RGS8: variants seen among roughly 807,000 people sequenced by gnomAD.
RGS8 encodes the protein regulator of G protein signaling 8.
In RGS8, 8 loss-of-function variants were observed where a neutral mutation model predicts 21.7. The observed-to-expected ratio is 0.37, with a 90% CI of 0.22 to 0.66. The LOEUF is 0.66. Ranked by LOEUF, RGS8 falls within the 30% of genes least tolerant of loss-of-function variation. The probability of loss-of-function intolerance (pLI) is 0.59; values close to 1 mark genes in which losing one functional copy is unlikely to be tolerated. For synonymous variants in RGS8, 80 were observed against 83.6 expected (o/e 0.96, Z 0.24); for missense variants, 157 against 217.9 (o/e 0.72, Z 1.76).
At chr1:182,731,959 A>C in the RGS8 span, among the ~76,000 whole-genome samples, 1 of 152,174 alleles carries the variant, frequency 6.6e-6, no homozygotes, top group Non-Finnish European at 1.5e-5. Flanking sequence ...AGTGGGAGAG[A>C]CTGAGGCTGG....
chr1:182,740,873 AAGGTC>A, the RGS8 span, among the ~76,000 whole-genome samples: 1 of 152,152 alleles, frequency 6.6e-6, no homozygotes, highest in African/African-American at 2.4e-5. Flanking sequence ...GGTTGGGGGT[AAGGTC>A]ACCTATCAAC....
chr1:182,649,595 T>C (rs1662897627), intron 5 of RGS8, among the ~76,000 whole-genome samples: 1 of 152,222 alleles, frequency 6.6e-6, no homozygotes, highest in Non-Finnish European at 1.5e-5. Context: ...GTCATACATA[T>C]TGTCAAGCAG....
chr1:182,659,231 AT>A (rs1482038974), intron 5 of RGS8, among the ~76,000 whole-genome samples: 2 of 152,166 alleles, frequency 1.3e-5, no homozygotes, highest in Non-Finnish European at 2.9e-5. Context: ...GTTCTTTCCT[AT>A]TTTATCAAGG....
In RGS8 at chr1:182,648,130, A is replaced by C; in HGVS notation, c.360+7T>G. On this transcript the variant is annotated splice_region_variant and intron_variant, in intron 6 of 6. Transcript: ENST00000483095. ...GATAGACAGGATGGTCGCCGCTGCC[A>C]ACACACCTCCCGTGGAGCCTGCACA... 3 of 1,593,706 alleles carry C rather than the reference A, an allele frequency of 1.9e-6. No individual in the cohort carries two copies. The highest frequency in any genetic ancestry group is 1.7e-6 in the Non-Finnish European group (2 of 1,166,654).
chr1:182,683,208 GAACA>G (rs890660758), intron 1 of RGS8, among the ~76,000 whole-genome samples: 2 of 152,152 alleles, frequency 1.3e-5, no homozygotes, highest in African/African-American at 4.8e-5. Context: ...AATGGGTGGA[GAACA>G]AACAGTTAAT....
the RGS8 span, among the ~76,000 whole-genome samples, chr1:182,702,868 T>C: frequency 1.1e-4 from 17 of 152,218 alleles, no homozygotes; most frequent in African/African-American, 4.1e-4. Flanking sequence ...ACCTACCATA[T>C]GTACATTCAC....
the RGS8 span, among the ~76,000 whole-genome samples, chr1:182,741,007 C>T: frequency 1.3e-5 from 2 of 151,778 alleles, no homozygotes; most frequent in South Asian, 4.2e-4. Context: ...CCCCACCTTT[C>T]CCCCCTTTCT....
At chr1:182,720,905 ATG>A in the RGS8 span, among the ~76,000 whole-genome samples, 861 of 101,660 alleles carry the variant, frequency 8.5e-3, 30 homozygotes, top group Non-Finnish European at 0.012. Context: ...ATATATACAT[ATG>A]TGTGTGTATA....
the RGS8 span, among the ~76,000 whole-genome samples, chr1:182,736,416 G>T: frequency 6.6e-6 from 1 of 152,104 alleles, no homozygotes; most frequent in Non-Finnish European, 1.5e-5. Flanking sequence ...TAGGAATCAC[G>T]TGGGAAGCTT....
exon 7 of RGS8, chr1:182,646,165 A>G (rs192562990): frequency 6.6e-6 from 1 of 152,432 alleles, no homozygotes; most frequent in African/African-American, 2.4e-5. Flanking sequence ...GGAAGAAACA[A>G]ACAACTCCAT....
the RGS8 span, among the ~76,000 whole-genome samples, chr1:182,743,924 T>C: frequency 6.6e-6 from 1 of 152,156 alleles, no homozygotes; most frequent in South Asian, 2.1e-4. Flanking sequence ...TTCCTTATCC[T>C]GCTTTATTTT....
chr1:182,734,973 A>ATAT, the RGS8 span, among the ~76,000 whole-genome samples: 5 of 152,268 alleles, frequency 3.3e-5, no homozygotes, highest in Non-Finnish European at 7.3e-5. Flanking sequence ...TATAACCAAG[A>ATAT]TATTATTATT....
At chr1:182,654,707 T>C (rs147900496) in intron 5 of RGS8, among the ~76,000 whole-genome samples, 137 of 151,788 alleles carry the variant, frequency 9.0e-4, no homozygotes, top group African/African-American at 3.3e-3. Flanking sequence ...AATAAGAATG[T>C]GATAAAAAAA....
chr1:182,666,749 A>G (rs978527777), intron 4 of RGS8, 123 bp downstream of exon 5: 51 of 708,144 alleles, frequency 7.2e-5, no homozygotes, highest in Non-Finnish European at 9.1e-5. Context: ...GTCCAGGGAT[A>G]TAAAAGGAGC....
At chr1:182,713,172 T>C in the RGS8 span, among the ~76,000 whole-genome samples, 2 of 152,144 alleles carry the variant, frequency 1.3e-5, no homozygotes, top group Non-Finnish European at 2.9e-5. Context: ...AATTGCTCTC[T>C]TTATTTTATC....
At chr1:182,709,947 T>A in the RGS8 span, among the ~76,000 whole-genome samples, 87 of 152,272 alleles carry the variant, frequency 5.7e-4, no homozygotes, top group Middle Eastern at 3.4e-3. Flanking sequence ...CAGGAGTGAA[T>A]AATTTCTCTG....
At chr1:182,672,026 G>A (rs1218405311), upstream of RGS8, 3 of 771,136 alleles carry the variant, frequency 3.9e-6, no homozygotes, top group African/African-American at 1.8e-5. Context: ...GCTGAGCTCA[G>A]CCTCACTAAC....
At chr1:182,649,402 G>T (rs1280102340) in intron 5 of RGS8, among the ~76,000 whole-genome samples, 1 of 152,124 alleles carries the variant, frequency 6.6e-6, no homozygotes, top group Admixed American at 6.5e-5. Flanking sequence ...TCTGTTACCT[G>T]GACGGGGTTG....
the RGS8 span, among the ~76,000 whole-genome samples, chr1:182,714,125 C>A: frequency 6.6e-6 from 1 of 152,138 alleles, no homozygotes; most frequent in Non-Finnish European, 1.5e-5. Context: ...CTCACTCACT[C>A]CCACTCACCC....
Sources: gnomAD v4.1 joint callset for allele counts (sites outside exome capture counted in the v4.1 genomes callset) on GRCh38, gnomAD v4.1.1 for gene constraint, MANE v1.5 for transcripts, NCBI Gene and HGNC (gene_info 2026-07-23, HGNC 2026-07-21) for gene names.